E2F2: variants seen among roughly 807,000 people sequenced by gnomAD.
The protein encoded by E2F2 is transcription factor E2F2.
In E2F2, 22 loss-of-function variants were observed where a neutral mutation model predicts 42.2. The ratio of observed to expected loss-of-function variants is 0.52; its 90% CI spans 0.37 to 0.74. E2F2 has a LOEUF of 0.74. Ranked by LOEUF, E2F2 falls within the 30% of genes least tolerant of loss-of-function variation. The pLI is 0.00. For missense variants in E2F2, 481 were observed against 557.8 expected, an observed-to-expected ratio of 0.86 and a Z score of 1.39; for synonymous variants, 248 against 251.6, an observed-to-expected ratio of 0.99 and a Z score of 0.13.
At chr1:23,517,164 C>T (rs986724460) in intron 5 of E2F2, among the ~76,000 whole-genome samples, 1 of 152,168 alleles carries the variant, frequency 6.6e-6, no homozygotes, top group African/African-American at 2.4e-5. Flanking sequence ...ATTTGGTTCC[C>T]ACCACCCCTA....
At chr1:23,526,177 T>C (rs191701985) in intron 1 of E2F2, among the ~76,000 whole-genome samples, 8 of 152,224 alleles carry the variant, frequency 5.3e-5, no homozygotes, top group East Asian at 3.9e-4. Flanking sequence ...AATATTCCTT[T>C]TCTACCTTCC....
chr1:23,531,233 T>G lies in E2F2; in HGVS notation c.-440A>C. 1 of 165,594 alleles carries G rather than the reference T, an allele frequency of 6.0e-6. No homozygotes were observed. The highest frequency in any genetic ancestry group is 1.3e-5 in the Non-Finnish European group (1 of 77,968). 10.3% of individuals were successfully genotyped at this position (165,594 alleles called of 1,614,324 possible). ...GCTCTCTAGTCCTTGAGTCTTTCTCTGCCTCTTTTTTTTCTTCTTTTTTTT... is the reference window on the plus strand; with the variant it reads ...GCTCTCTAGTCCTTGAGTCTTTCTCGGCCTCTTTTTTTTCTTCTTTTTTTT... On this transcript the variant is annotated 5_prime_UTR_variant, in exon 1 of 7. Coordinates refer to ENST00000361729, the MANE Select transcript of E2F2 (RefSeq NM_004091.4).
In E2F2 at chr1:23,507,994, G is replaced by A. The variant is rs3820028; in HGVS notation, c.*1886C>T. On this transcript the variant is annotated 3_prime_UTR_variant, in exon 7 of 7. Transcript: ENST00000361729. ...TCAGAGCAGCCCACTCACCACAAACGAGATCCTACACAGGGTCCCTGAGCA... is the reference window on the plus strand; with the variant it reads ...TCAGAGCAGCCCACTCACCACAAACAAGATCCTACACAGGGTCCCTGAGCA... The A allele has an allele frequency of 0.39, 59,708 of 151,574 alleles. 14,054 individuals are homozygous for A. Among genetic ancestry groups the A allele is most frequent in the East Asian group, 0.6 (3,067 of 5,152 alleles). The allele number at this position is 151,574 out of a possible 1,614,324, so 9.4% of individuals were successfully genotyped here. A position where few individuals can be genotyped will look rare whatever the true frequency, so the allele number is the denominator to read the frequency against.
At chr1:23,514,501 T>G (rs1642976858) in intron 6 of E2F2, among the ~76,000 whole-genome samples, 4 of 152,048 alleles carry the variant, frequency 2.6e-5, no homozygotes, top group Admixed American at 2.0e-4. Context: ...TGGGCCTGTG[T>G]TCATTCATGT....
chr1:23,510,276 GCTCTCAAA>G, intron 6 of E2F2, 128 bp from the exon 7 acceptor site: 1 of 1,390,382 alleles, frequency 7.2e-7, no homozygotes, highest in Non-Finnish European at 9.3e-7. Flanking sequence ...GGACTGTCGT[GCTCTCAAA>G]ATCCACCTTC....
Position 23,519,023 on chromosome 1 carries a change from C to T in E2F2, c.845G>A (p.Arg282Lys), listed in dbSNP as rs2148699196. Residue 282 changes from arginine (R) to lysine (K), a missense_variant, in exon 5 of 7, where the codon AGG becomes AAG. By Grantham distance (26) the Arg-to-Lys change is conservative. Coordinates refer to ENST00000361729, the MANE Select transcript of E2F2 (RefSeq NM_004091.4). ...AAATATTTCCCCTCTCACCTCAGTC[C>T]TGTCGGGCACTTCCAGTCTCGTCTG... ...PPQTRLEVPD[R>K]TEDNLQIYLK... The T allele has an allele frequency of 6.2e-7, 1 of 1,613,808 alleles. No homozygotes were observed. Among genetic ancestry groups the T allele is most frequent in the South Asian group, 1.1e-5 (1 of 91,012 alleles).
chr1:23,519,159 T>A, intron 4 of E2F2, 29 bp from the exon 5 acceptor site: 16 of 1,589,100 alleles, frequency 1.0e-5, no homozygotes, highest in Non-Finnish European at 1.3e-5. Flanking sequence ...GAAAAGTGAC[T>A]GTCTGGTCAA....
chr1:23,509,857 C>T lies in E2F2; in HGVS notation c.*23G>A, dbSNP rs762535075. The T allele has an allele frequency of 6.6e-7, 1 of 1,521,348 alleles. No individual in the cohort carries two copies. The highest frequency in any genetic ancestry group is 2.4e-5 in the East Asian group (1 of 42,108). 94.2% of individuals were successfully genotyped at this position (1,521,348 alleles called of 1,614,324 possible). A position where few individuals can be genotyped will look rare whatever the true frequency, so the allele number is the denominator to read the frequency against. ...GTGAGGAGGTAGAGTCGGGGGCAGG[C>T]TGCTGGGGGCAGGCAGGGCCACTCA... On this transcript the variant is annotated 3_prime_UTR_variant, in exon 7 of 7. Transcript: ENST00000361729.
intron 6 of E2F2, 142 bp downstream of exon 6, chr1:23,516,193 T>G (rs1384900438): frequency 2.6e-6 from 3 of 1,155,714 alleles, no homozygotes; most frequent in Non-Finnish European, 3.4e-6. Flanking sequence ...AAGCATTAAG[T>G]ACAATGCACA....
chr1:23,517,560 T>C (rs1643048407), intron 5 of E2F2, among the ~76,000 whole-genome samples: 1 of 152,242 alleles, frequency 6.6e-6, no homozygotes, highest in Non-Finnish European at 1.5e-5. Flanking sequence ...GTTCTTCCTT[T>C]AAATAAATTA....
Position 23,506,759 on chromosome 1 carries a change from C to G in E2F2, c.*3121G>C, listed in dbSNP as rs1406319461. The G allele has an allele frequency of 6.6e-6, 1 of 152,354 alleles. No individual in the cohort carries two copies. Among genetic ancestry groups the G allele is most frequent in the South Asian group, 2.1e-4 (1 of 4,840 alleles). The allele number at this position is 152,354 out of a possible 1,614,324, so 9.4% of individuals were successfully genotyped here. A position where few individuals can be genotyped will look rare whatever the true frequency, so the allele number is the denominator to read the frequency against. ...TCCAAACAACCCCAGAAGGTTTTCA[C>G]TTCACATGCGCTAAGCCACACAACA... On this transcript the variant is annotated 3_prime_UTR_variant, in exon 7 of 7. Coordinates refer to ENST00000361729, the MANE Select transcript of E2F2 (RefSeq NM_004091.4).
chr1:23,531,073 C>A lies in E2F2; in HGVS notation c.-280G>T, dbSNP rs944039862. 2.8e-5 allele frequency: 10 copies of A among 356,862 alleles called. No individual in the cohort carries two copies. Among genetic ancestry groups the A allele is most frequent in the South Asian group, 1.1e-4 (1 of 9,506 alleles). The allele number at this position is 356,862 out of a possible 1,614,324, so 22.1% of individuals were successfully genotyped here. On this transcript the variant is annotated 5_prime_UTR_variant, in exon 1 of 7. Coordinates refer to ENST00000361729, the MANE Select transcript of E2F2 (RefSeq NM_004091.4). Reference sequence around the variant, plus strand: ...GGGCACCGCGACCCGGGACGCCCCGCGCTCCCCAAGGCCTCGGCACCTGGG... The same window carrying A: ...GGGCACCGCGACCCGGGACGCCCCGAGCTCCCCAAGGCCTCGGCACCTGGG...
At chr1:23,522,415 T>C (rs1383789468) in intron 2 of E2F2, among the ~76,000 whole-genome samples, 1 of 152,216 alleles carries the variant, frequency 6.6e-6, no homozygotes, top group African/African-American at 2.4e-5. Context: ...TACAACACCC[T>C]GTAAGGGTTG....
chr1:23,525,984 C>A (rs1380075936), intron 1 of E2F2, among the ~76,000 whole-genome samples: 2 of 152,074 alleles, frequency 1.3e-5, no homozygotes, highest in Non-Finnish European at 2.9e-5. Flanking sequence ...GTGGTGACAG[C>A]TCTTCCTGCT....
chr1:23,518,882 T>TA, intron 5 of E2F2, 134 bp downstream of exon 5: 1 of 600,804 alleles, frequency 1.7e-6, no homozygotes, highest in Non-Finnish European at 2.8e-6. Flanking sequence ...AGGCCACCAA[T>TA]ATTGCCATGG....
chr1:23,506,147 G>T (rs1385268221), downstream of E2F2, among the ~76,000 whole-genome samples: 2 of 152,210 alleles, frequency 1.3e-5, no homozygotes, highest in African/African-American at 4.8e-5. Context: ...GATGTAGAGG[G>T]TGGGAGGGAG....
At chr1:23,512,529 G>T (rs1383647972) in intron 6 of E2F2, among the ~76,000 whole-genome samples, 1 of 152,320 alleles carries the variant, frequency 6.6e-6, no homozygotes, top group Admixed American at 6.5e-5. Context: ...GGAGCGGGGA[G>T]CATGTGGGCT....
chr1:23,527,744 C>T (rs549139815), intron 1 of E2F2, among the ~76,000 whole-genome samples: 1 of 152,370 alleles, frequency 6.6e-6, no homozygotes, highest in East Asian at 1.9e-4. Context: ...TCTTGCCTCT[C>T]TGAGCCTACA....
chr1:23,521,976 C>T lies in E2F2; in HGVS notation c.439G>A (p.Glu147Lys), dbSNP rs767362758. 8.1e-6 allele frequency: 13 copies of T among 1,614,096 alleles called. No individual in the cohort carries two copies. The highest frequency in any genetic ancestry group is 5.3e-5 in the African/African-American group (4 of 74,928). ...AGGTCCAGGACCCCATCCTCTGACT[C>T]GCTCAGGAGGTAAATGAACTTCTTG... ...LTKKFIYLLS[E>K]SEDGVLDLNW... Residue 147 changes from glutamate to lysine, a missense_variant, in exon 3 of 7, where the codon GAG becomes AAG. Coordinates refer to ENST00000361729, the MANE Select transcript of E2F2 (RefSeq NM_004091.4).
Sources: allele counts gnomAD v4.1 joint callset (sites outside exome capture counted in the v4.1 genomes callset), GRCh38; gene constraint gnomAD v4.1.1; transcripts MANE v1.5; gene names NCBI Gene and HGNC (gene_info 2026-07-23, HGNC 2026-07-21).